The following CYP2J2 variants were observed in gnomAD, a reference collection of about 807,000 sequenced individuals.
CYP2J2 encodes the protein cytochrome P450 family 2 subfamily J member 2, also known as cytochrome P450 2J2.
Under a neutral mutation model 48.8 loss-of-function variants are expected in CYP2J2, and 41 were observed. That is an observed-to-expected ratio of 0.84 (90% CI 0.66 to 1.09). The LOEUF (loss-of-function observed/expected upper bound fraction) is 1.09. Among genes scored for constraint, CYP2J2 ranks in the 50% least tolerant of loss-of-function variants. CYP2J2 has a pLI of 0.00. For missense variants in CYP2J2, 644 were observed against 617.3 expected (o/e 1.04, Z -0.46); for synonymous variants, 221 against 227.1 (o/e 0.97, Z 0.24).
At chr1:59,952,179 G>T in the CYP2J2 span, among the ~76,000 whole-genome samples, 1 of 152,254 alleles carries the variant, frequency 6.6e-6, no homozygotes, top group Non-Finnish European at 1.5e-5. Context: ...GAGCATGAGG[G>T]CAGGCTTCAT....
At chr1:59,894,156 A>C (rs1644248889) in intron 8 of CYP2J2, among the ~76,000 whole-genome samples, 1 of 152,224 alleles carries the variant, frequency 6.6e-6, no homozygotes, top group Non-Finnish European at 1.5e-5. Context: ...GCTTTAAAAA[A>C]ATCATTTAAC....
intron 7 of CYP2J2, among the ~76,000 whole-genome samples, chr1:59,902,328 T>C (rs1467563083): frequency 6.6e-6 from 1 of 152,196 alleles, no homozygotes; most frequent in Middle Eastern, 3.2e-3. Flanking sequence ...GACCTGAGCA[T>C]TTCAGGTATG....
the CYP2J2 span, among the ~76,000 whole-genome samples, chr1:59,958,905 T>G: frequency 6.6e-6 from 1 of 152,206 alleles, no homozygotes; most frequent in Non-Finnish European, 1.5e-5. Context: ...TCTTCTAAAC[T>G]TCATTCCTTG....
the CYP2J2 span, among the ~76,000 whole-genome samples, chr1:59,938,982 G>A: frequency 4.6e-5 from 7 of 152,172 alleles, no homozygotes; most frequent in Non-Finnish European, 1.0e-4. Context: ...CTTAAACCTT[G>A]ATTCTATACA....
At chr1:59,906,774 T>C (rs987012179) in intron 6 of CYP2J2, among the ~76,000 whole-genome samples, 16 of 152,310 alleles carry the variant, frequency 1.1e-4, no homozygotes, top group African/African-American at 3.6e-4. Flanking sequence ...TAACTGAGCA[T>C]GAACCTGGAT....
rs1188169196 is a variant in CYP2J2 at position 59,905,308 on chromosome 1, C to A, written c.1004-250G>T. 2.6e-5 allele frequency among the ~76,000 whole-genome samples: 4 copies of A among 152,164 alleles called. No homozygotes were observed. The East Asian group carries it at 5.8e-4, about 22-fold the overall frequency. ...GGCTAAACTTCATTACATCAGACCC[C>A]AGCGGACTTGGTGTCTGGTGAAGAC... On this transcript the variant is annotated intron_variant, in intron 6 of 8. Transcript: ENST00000371204.
chr1:59,953,994 T>G, the CYP2J2 span, among the ~76,000 whole-genome samples: 1 of 151,938 alleles, frequency 6.6e-6, no homozygotes, highest in South Asian at 2.1e-4. Context: ...ATGGTAGGAT[T>G]ACACCTTCCA....
chr1:59,916,224 C>CATGT, intron 1 of CYP2J2, 124 bp from the exon 2 acceptor site: 12 of 601,106 alleles, frequency 2.0e-5, no homozygotes, highest in Admixed American at 6.2e-5. Context: ...TGTGTGTGTA[C>CATGT]GTGTGTGTGT....
chr1:59,943,468 G>A, the CYP2J2 span, among the ~76,000 whole-genome samples: 1 of 152,204 alleles, frequency 6.6e-6, no homozygotes, highest in African/African-American at 2.4e-5. Flanking sequence ...AGAGGAATAT[G>A]TTGTTGGGGC....
At position 59,920,255 on chromosome 1, in the gene CYP2J2, T is replaced by C. The variant is rs11572221; in HGVS notation, c.211-4155A>G. ...AGTAAGAAATCAAAGGCATTCTAGA[T>C]GGTGAGAACACCATATACAGATGTA... On this transcript the variant is annotated intron_variant, in intron 1 of 8. Coordinates refer to ENST00000371204, the MANE Select transcript of CYP2J2 (RefSeq NM_000775.4). 4.1e-3 allele frequency among the ~76,000 whole-genome samples: 613 copies of C among 148,062 alleles called. 7 individuals are homozygous for C. Among genetic ancestry groups the C allele is most frequent in the African/African-American group, 0.015 (588 of 39,966 alleles).
chr1:59,912,191 T>G lies in CYP2J2; in HGVS notation c.494A>C (p.His165Pro). ...LEERIQEEAQ[H>P]LTEAIKEENG... is the part of the protein sequence containing the mutation. Reference sequence around the variant, plus strand: ...CTCCTCTTTTATTGCTTCAGTGAGGTGTTGGGCCTCCTCCTGAATGCGTTC... The same window carrying G: ...CTCCTCTTTTATTGCTTCAGTGAGGGGTTGGGCCTCCTCCTGAATGCGTTC... Residue 165 changes from histidine (H) to proline (P), a missense_variant, in exon 3 of 9, where the codon CAC becomes CCC. Physicochemically the swap from His to Pro is moderately conservative, Grantham distance 77 (BLOSUM62 -2). Coordinates refer to ENST00000371204, the MANE Select transcript of CYP2J2 (RefSeq NM_000775.4). The G allele has an allele frequency of 2.5e-6, 4 of 1,613,754 alleles. No individual in the cohort carries two copies. The highest frequency in any genetic ancestry group is 2.5e-6 in the Non-Finnish European group (3 of 1,179,804).
upstream of CYP2J2, among the ~76,000 whole-genome samples, chr1:59,930,398 C>T (rs1644597418): frequency 6.6e-6 from 1 of 152,084 alleles, no homozygotes; most frequent in Admixed American, 6.6e-5. Context: ...ATATCTCCAC[C>T]ACTTCATCTG....
At chr1:59,968,358 T>C in the CYP2J2 span, among the ~76,000 whole-genome samples, 19,410 of 151,986 alleles carry the variant, frequency 0.13, 1,721 homozygotes, top group African/African-American at 0.25. Flanking sequence ...GCTTTTTCTG[T>C]CTTGCCTCCC....
the CYP2J2 span, among the ~76,000 whole-genome samples, chr1:59,968,965 G>T: frequency 6.6e-6 from 1 of 152,094 alleles, no homozygotes; most frequent in South Asian, 2.1e-4. Flanking sequence ...ATGTGGTCTC[G>T]CTGGCTCAGG....
chr1:59,967,884 ACT>A, the CYP2J2 span, among the ~76,000 whole-genome samples: 1 of 152,142 alleles, frequency 6.6e-6, no homozygotes, highest in Non-Finnish European at 1.5e-5. Context: ...AAGATCAAAG[ACT>A]CAACTTTTTC....
chr1:59,902,082 T>C (rs1400655125), intron 7 of CYP2J2, among the ~76,000 whole-genome samples: 1 of 152,202 alleles, frequency 6.6e-6, no homozygotes, highest in Non-Finnish European at 1.5e-5. Context: ...CCTACTTAAT[T>C]CAGCATCCTT....
chr1:59,968,450 A>T, the CYP2J2 span, among the ~76,000 whole-genome samples: 3 of 152,046 alleles, frequency 2.0e-5, no homozygotes, highest in African/African-American at 7.2e-5. Context: ...GCCTGCTGTC[A>T]GGACGCTTGG....
Position 59,909,808 on chromosome 1 carries a change from A to C in CYP2J2, c.837T>G (p.Asp279Glu), listed in dbSNP as rs996945619. The C allele has an allele frequency of 6.3e-7, 1 of 1,593,052 alleles. No individual in the cohort carries two copies. The highest frequency in any genetic ancestry group is 1.4e-5 in the African/African-American group (1 of 73,028). ...CCTTTGACATTTCTTTAAGGTAAGC[A>C]TCAATAAAGTCTCTTGTTTCTGCAG... ...WNPAETRDFI[D>E]AYLKEMSKHT... The change falls in exon 5 of 9, where the codon GAT becomes GAG. Residue 279 changes from aspartate to glutamate, a missense_variant. Physicochemically the swap from Asp to Glu is conservative, Grantham distance 45. Transcript: ENST00000371204.
chr1:59,959,607 A>G, the CYP2J2 span, among the ~76,000 whole-genome samples: 1 of 151,370 alleles, frequency 6.6e-6, no homozygotes, highest in East Asian at 1.9e-4. Flanking sequence ...TATGTGCTAT[A>G]TATGTATATA....
Sources: gnomAD v4.1 joint callset for allele counts (sites outside exome capture counted in the v4.1 genomes callset) on GRCh38, gnomAD v4.1.1 for gene constraint, MANE v1.5 for transcripts, NCBI Gene and HGNC (gene_info 2026-07-23, HGNC 2026-07-21) for gene names.